HDAC8: variants seen among roughly 807,000 people sequenced by gnomAD.
HDAC8 encodes the protein histone deacetylase 8.
In HDAC8, 1 loss-of-function variant was observed where a neutral mutation model predicts 32.2. That is an observed-to-expected ratio of 0.03 (90% CI 0.01 to 0.15). HDAC8 has a LOEUF of 0.15. HDAC8 is among the 10% of genes least tolerant of loss of function. The probability of loss-of-function intolerance (pLI) is 1.00; values close to 1 mark genes in which losing one functional copy is unlikely to be tolerated. For missense variants in HDAC8, 117 were observed against 300.0 expected, an observed-to-expected ratio of 0.39 and a Z score of 4.51; for synonymous variants, 108 against 113.9, an observed-to-expected ratio of 0.95 and a Z score of 0.33.
At chrX:72,570,072 T>A (rs2051962162) in intron 2 of HDAC8, among the ~76,000 whole-genome samples, 1 of 112,015 alleles carries the variant, frequency 8.9e-6, no homozygotes, top group African/African-American at 3.2e-5. Context: ...GCTACTACTA[T>A]CACCAAGGTA....
chrX:72,532,507 A>G (rs1293154922), intron 4 of HDAC8, among the ~76,000 whole-genome samples: 1 of 94,895 alleles, frequency 1.1e-5, no homozygotes, highest in African/African-American at 4.1e-5. Flanking sequence ...TAGAGACAGG[A>G]TCTTGCTCTG....
intron 5 of HDAC8, 31 bp from the exon 6 acceptor site, chrX:72,491,037 C>G (rs1556009311): frequency 2.0e-6 from 2 of 1,006,552 alleles, no homozygotes; most frequent in Non-Finnish European, 2.8e-6. Flanking sequence ...AAAAGAATCA[C>G]TTCACATATG....
chrX:72,496,983 G>A (rs1429436815), intron 4 of HDAC8, among the ~76,000 whole-genome samples: 1 of 111,564 alleles, frequency 9.0e-6, no homozygotes, highest in Non-Finnish European at 1.9e-5. Flanking sequence ...TGCGTTACGA[G>A]AAATGGCGAA....
chrX:72,357,355 T>A (rs2044400013), intron 9 of HDAC8, among the ~76,000 whole-genome samples: 1 of 108,752 alleles, frequency 9.2e-6, no homozygotes. Flanking sequence ...GATTTAGGAG[T>A]TACCAGCAAC....
chrX:72,386,884 G>A (rs1602652596), intron 9 of HDAC8, among the ~76,000 whole-genome samples: 1 of 111,841 alleles, frequency 8.9e-6, no homozygotes, highest in Non-Finnish European at 1.9e-5. Context: ...GAGGGAATGC[G>A]AAGTGGAGGA....
intron 4 of HDAC8, among the ~76,000 whole-genome samples, chrX:72,555,641 C>G (rs1454419258): frequency 8.9e-6 from 1 of 112,267 alleles, no homozygotes; most frequent in Admixed American, 9.4e-5. Context: ...ATTGAACAAA[C>G]AGAAGAAAGA....
chrX:72,345,697 T>G (rs1184727052), intron 10 of HDAC8, among the ~76,000 whole-genome samples: 1 of 111,627 alleles, frequency 9.0e-6, no homozygotes, highest in Non-Finnish European at 1.9e-5. Context: ...AATTTTTTTT[T>G]GTAGATAGGG....
intron 4 of HDAC8, among the ~76,000 whole-genome samples, chrX:72,531,008 G>T (rs2050319513): frequency 8.9e-6 from 1 of 111,828 alleles, no homozygotes; most frequent in Non-Finnish European, 1.9e-5. Flanking sequence ...AGGAGGAGAA[G>T]AGGTGTGTAG....
chrX:72,363,717 G>A (rs1555953401), intron 9 of HDAC8, among the ~76,000 whole-genome samples: 2 of 111,000 alleles, frequency 1.8e-5, no homozygotes, highest in African/African-American at 3.3e-5. Flanking sequence ...GATTACAGGC[G>A]TGGACCACCA....
At chrX:72,509,685 C>T (rs1038193455) in intron 4 of HDAC8, among the ~76,000 whole-genome samples, 2 of 111,007 alleles carry the variant, frequency 1.8e-5, no homozygotes, top group African/African-American at 3.3e-5. Context: ...CTCATAGAAG[C>T]GAAGAGTGGA....
chrX:72,414,518 A>G (rs2046283329), intron 9 of HDAC8, among the ~76,000 whole-genome samples: 1 of 112,634 alleles, frequency 8.9e-6, no homozygotes, highest in Non-Finnish European at 1.9e-5. Flanking sequence ...TAATCAAGAT[A>G]ATCAGGGTGT....
intron 9 of HDAC8, among the ~76,000 whole-genome samples, chrX:72,458,248 G>A (rs1555990388): frequency 8.9e-6 from 1 of 112,614 alleles, no homozygotes; most frequent in African/African-American, 3.2e-5. Context: ...TGGCCAACCT[G>A]GCTCCCCAGT....
At chrX:72,339,430 T>C (rs2043829141) in intron 10 of HDAC8, among the ~76,000 whole-genome samples, 1 of 112,353 alleles carries the variant, frequency 8.9e-6, no homozygotes, top group Non-Finnish European at 1.9e-5. Flanking sequence ...AATTCTAGTA[T>C]GTACAGAGTG....
At chrX:72,414,659 A>C (rs1555971242) in intron 9 of HDAC8, among the ~76,000 whole-genome samples, 1 of 111,938 alleles carries the variant, frequency 8.9e-6, no homozygotes, top group Non-Finnish European at 1.9e-5. Context: ...AGAAGTAAAC[A>C]TATGTTACTG....
At chrX:72,551,751 C>T (rs1242084919) in intron 4 of HDAC8, among the ~76,000 whole-genome samples, 1 of 112,182 alleles carries the variant, frequency 8.9e-6, no homozygotes, top group African/African-American at 3.2e-5. Context: ...TTTCAGCCCT[C>T]CCTAAAATTC....
chrX:72,491,531 T>A (rs2048871545), intron 5 of HDAC8, among the ~76,000 whole-genome samples: 1 of 112,376 alleles, frequency 8.9e-6, no homozygotes. Context: ...ATAAAGTGCC[T>A]TTCTATAATG....
intron 9 of HDAC8, among the ~76,000 whole-genome samples, chrX:72,437,555 C>G (rs2046988589): frequency 9.0e-6 from 1 of 111,654 alleles, no homozygotes; most frequent in Non-Finnish European, 1.9e-5. Context: ...TCAGTGGATC[C>G]CATCCCCACA....
At chrX:72,520,516 TCA>T (rs781849986) in intron 4 of HDAC8, among the ~76,000 whole-genome samples, 2 of 112,304 alleles carry the variant, frequency 1.8e-5, no homozygotes, top group African/African-American at 3.2e-5. Flanking sequence ...TGTCTCTCTC[TCA>T]CACACACTTT....
chrX:72,407,480 T>C (rs1183810650), intron 9 of HDAC8, among the ~76,000 whole-genome samples: 1 of 112,129 alleles, frequency 8.9e-6, no homozygotes, highest in Non-Finnish European at 1.9e-5. Context: ...CCCTTCAAAT[T>C]GTCTGTGAGC....
Sources: gnomAD v4.1 joint callset for allele counts (sites outside exome capture counted in the v4.1 genomes callset) on GRCh38, gnomAD v4.1.1 for gene constraint, MANE v1.5 for transcripts, NCBI Gene and HGNC (gene_info 2026-07-23, HGNC 2026-07-21) for gene names.